The following PIKFYVE variants were observed in gnomAD, a reference collection of about 807,000 sequenced individuals.
The protein encoded by PIKFYVE is 1-phosphatidylinositol 3-phosphate 5-kinase.
Under a neutral mutation model 257.9 loss-of-function variants are expected in PIKFYVE, and 122 were observed. The ratio of observed to expected loss-of-function variants is 0.47; its 90% CI spans 0.41 to 0.55. PIKFYVE has a LOEUF of 0.55. Among genes scored for constraint, PIKFYVE ranks in the 20% least tolerant of loss-of-function variants. PIKFYVE has a pLI of 0.00. For synonymous variants in PIKFYVE, 892 were observed against 868.9 expected (o/e 1.03, Z -0.47); for missense variants, 2,160 against 2,536.6 (o/e 0.85, Z 3.19).
chr2:208,340,190 G>C, intron 31 of PIKFYVE, 59 bp downstream of exon 31: 1 of 1,581,438 alleles, frequency 6.3e-7, no homozygotes, highest in Non-Finnish European at 8.7e-7. Flanking sequence ...TTAGTTGCTC[G>C]CTTCATATTT....
At chr2:208,270,294 G>T (rs561347619) in intron 1 of PIKFYVE, among the ~76,000 whole-genome samples, 2 of 151,864 alleles carry the variant, frequency 1.3e-5, no homozygotes, top group African/African-American at 4.8e-5. Flanking sequence ...CGTCCACTTC[G>T]GCCTCCCAAA....
intron 31 of PIKFYVE, among the ~76,000 whole-genome samples, chr2:208,342,353 T>C (rs1430345932): frequency 6.6e-6 from 1 of 152,220 alleles, no homozygotes; most frequent in African/African-American, 2.4e-5. Flanking sequence ...AAGGTTTGTT[T>C]GGAGTGACTA....
At chr2:208,324,879 G>T in intron 18 of PIKFYVE, 32 bp from the exon 19 acceptor site, 1 of 1,608,526 alleles carries the variant, frequency 6.2e-7, no homozygotes, top group East Asian at 2.2e-5. Flanking sequence ...TTCTTCTCTA[G>T]TTTTGTAATA....
At chr2:208,299,478 C>A (rs927032723) in intron 8 of PIKFYVE, among the ~76,000 whole-genome samples, 1 of 151,938 alleles carries the variant, frequency 6.6e-6, no homozygotes, top group South Asian at 2.1e-4. Flanking sequence ...TTAGTAGAGA[C>A]GGGGTTTCAC....
Position 208,317,902 on chromosome 2 carries a change from C to T in PIKFYVE, c.2043C>T (p.Val681=). ...GAAAGAAGTTTGATTCTGTGGTTGT[C>T]AATGGCTTTGTTTGTACCAAGAACA... ...PGGKKFDSVV[V]NGFVCTKNIA... is the part of the protein sequence containing the mutation. Residue 681 remains valine, a synonymous_variant, in exon 16 of 42, where the codon GTC becomes GTT. Coordinates refer to ENST00000264380, the MANE Select transcript of PIKFYVE (RefSeq NM_015040.4). The T allele has an allele frequency of 1.2e-6, 2 of 1,613,962 alleles. No individual in the cohort carries two copies. Among genetic ancestry groups the T allele is most frequent in the Non-Finnish European group, 1.7e-6 (2 of 1,179,872 alleles).
At chr2:208,346,294 GC>G (rs1699226516) in intron 34 of PIKFYVE, 147 bp downstream of exon 34, 2 of 750,584 alleles carry the variant, frequency 2.7e-6, no homozygotes, top group Admixed American at 2.3e-5. Context: ...ATTTTTGTAT[GC>G]CCTCTTTATA....
chr2:208,325,284 C>G lies in PIKFYVE; in HGVS notation c.2473C>G (p.Leu825Val), dbSNP rs1258791454. 2 of 1,613,894 alleles carry G rather than the reference C, an allele frequency of 1.2e-6. No homozygotes were observed. Among genetic ancestry groups the G allele is most frequent in the South Asian group, 2.2e-5 (2 of 91,060 alleles). The stretch of plus-strand genomic sequence containing the variant: ...TTTGTTTGTAGAACAAACCAAGACA[C>G]TGATGTTTTTTGAAGGTTGTCCACA... ...FQLPNEQTKT[L>V]MFFEGCPQHL... The change falls in exon 20 of 42, where the codon CTG (leucine) becomes GTG (valine). Residue 825 changes from leucine (L) to valine (V), a missense_variant. Transcript: ENST00000264380.
At chr2:208,327,017 G>A (rs1439488976) in intron 20 of PIKFYVE, among the ~76,000 whole-genome samples, 1 of 152,098 alleles carries the variant, frequency 6.6e-6, no homozygotes, top group East Asian at 1.9e-4. Context: ...ATGAGGAAAT[G>A]CAATTGTTTA....
At position 208,325,054 on chromosome 2, in the gene PIKFYVE, A is replaced by G. The variant is rs756745950; in HGVS notation, c.2458+17A>G. 1.9e-6 allele frequency: 3 copies of G among 1,614,064 alleles called. No homozygotes were observed. The East Asian group carries it at 6.7e-5, about 36-fold the overall frequency. On this transcript the variant is annotated intron_variant, in intron 19 of 41. Transcript: ENST00000264380. ...TGCCTAATGGTGAGTGATCTTTAGC[A>G]TAGATTGACCTGAGGAAAAGAGTTA...
intron 40 of PIKFYVE, 26 bp from the exon 41 acceptor site, chr2:208,354,545 C>G: frequency 1.3e-6 from 2 of 1,553,494 alleles, no homozygotes; most frequent in Non-Finnish European, 1.8e-6. Context: ...AGCTTTATTG[C>G]TAATTTCACT....
At chr2:208,284,481 G>A (rs1164152217) in intron 5 of PIKFYVE, among the ~76,000 whole-genome samples, 4 of 152,062 alleles carry the variant, frequency 2.6e-5, no homozygotes, top group Non-Finnish European at 4.4e-5. Flanking sequence ...GGCTGGTCTT[G>A]GACTACTGAC....
rs377361194 is a variant in PIKFYVE at position 208,288,562 on chromosome 2, A to G, written c.822-167A>G. On this transcript the variant is annotated intron_variant, in intron 6 of 41. Transcript: ENST00000264380. The stretch of plus-strand genomic sequence containing the variant: ...TTCTTAAAAGCCATGCACTGCAAAA[A>G]CTATCATTCATACCATTTACACCCT... Among the ~76,000 whole-genome samples the G allele has an allele frequency of 3.4e-4, 52 of 152,330 alleles. 1 individual carries two copies. The highest frequency in any genetic ancestry group is 1.3e-3 in the Admixed American group (20 of 15,296).
In PIKFYVE at chr2:208,335,813, C is replaced by T. The variant is rs1258508121; in HGVS notation, c.4277C>T (p.Ala1426Val). 1 of 1,611,682 alleles carries T rather than the reference C, an allele frequency of 6.2e-7. No homozygotes were observed. Among genetic ancestry groups the T allele is most frequent in the East Asian group, 2.2e-5 (1 of 44,736 alleles). ...FFQKVSQVYV[A>V]IDERLASLKT... ...GTTAGAGTTTCACAGGTATATGTTG[C>T]CATTGATGAAAGACTTGCATCTTTG... Residue 1426 changes from alanine to valine, a missense_variant, in exon 26 of 42, where the codon GCC becomes GTC. Ala to Val is a moderately conservative substitution (Grantham distance 64). Coordinates refer to ENST00000264380, the MANE Select transcript of PIKFYVE (RefSeq NM_015040.4).
In PIKFYVE at chr2:208,343,061, C is replaced by T. The variant is rs555030842; in HGVS notation, c.5027+412C>T. ...CCACCCACCTCGGCCTCCCAAAGTG[C>T]TGGAATTACAGGCGTGAGCCACCAT... On this transcript the variant is annotated intron_variant, in intron 32 of 41. Transcript: ENST00000264380. 1.6e-4 allele frequency among the ~76,000 whole-genome samples: 25 copies of T among 152,220 alleles called. No homozygotes were observed. The South Asian group carries it at 3.7e-3, about 23-fold the overall frequency.
At chr2:208,314,269 ACTT>A in intron 13 of PIKFYVE, 22 bp from the exon 14 acceptor site, 3 of 1,605,036 alleles carry the variant, frequency 1.9e-6, no homozygotes, top group Non-Finnish European at 1.7e-6. Flanking sequence ...TGAAGTAATA[ACTT>A]CTTATTTTAT....
In PIKFYVE at chr2:208,315,046, A is replaced by G. The variant is rs1342322816; in HGVS notation, c.1827-147A>G. On this transcript the variant is annotated intron_variant, in intron 14 of 41. Coordinates refer to ENST00000264380, the MANE Select transcript of PIKFYVE (RefSeq NM_015040.4). ...GCAAAATCCTTAAGGTACAGATATAATGAAAGAATGATATTGACCTAGAAA... is the reference window on the plus strand; with the variant it reads ...GCAAAATCCTTAAGGTACAGATATAGTGAAAGAATGATATTGACCTAGAAA... The G allele has an allele frequency of 3.9e-6, 3 of 771,570 alleles. No homozygotes were observed. The African/African-American group carries it at 5.2e-5, about 13-fold the overall frequency. 47.8% of individuals were successfully genotyped at this position (771,570 alleles called of 1,614,324 possible). A position where few individuals can be genotyped will look rare whatever the true frequency, so the allele number is the denominator to read the frequency against.
chr2:208,288,012 A>G (rs1277033191), intron 6 of PIKFYVE, among the ~76,000 whole-genome samples: 2 of 152,226 alleles, frequency 1.3e-5, no homozygotes, highest in East Asian at 1.9e-4. Context: ...AATATGAAGT[A>G]TAGAGTTTTT....
intron 7 of PIKFYVE, among the ~76,000 whole-genome samples, chr2:208,291,125 G>A (rs1174560556): frequency 6.6e-6 from 1 of 152,118 alleles, no homozygotes; most frequent in Non-Finnish European, 1.5e-5. Context: ...TATGATGTTA[G>A]CTGTATGTTG....
At chr2:208,306,577 A>G (rs1333237737) in intron 12 of PIKFYVE, among the ~76,000 whole-genome samples, 1 of 152,126 alleles carries the variant, frequency 6.6e-6, no homozygotes, top group African/African-American at 2.4e-5. Flanking sequence ...TGTAATAGGG[A>G]AGGATAGACT....
Sources: allele counts gnomAD v4.1 joint callset (sites outside exome capture counted in the v4.1 genomes callset), GRCh38; gene constraint gnomAD v4.1.1; transcripts MANE v1.5; gene names NCBI Gene and HGNC (gene_info 2026-07-23, HGNC 2026-07-21).